TM6SF1: variants seen among roughly 807,000 people sequenced by gnomAD.
TM6SF1 encodes transmembrane 6 superfamily member 1.
TM6SF1 carries 43 observed loss-of-function variants against 47.1 expected under a neutral mutation model. The observed-to-expected ratio is 0.91, with a 90% CI of 0.72 to 1.18. TM6SF1 has a LOEUF of 1.18. TM6SF1 is among the 50% of genes most tolerant of loss of function. TM6SF1 has a pLI of 0.00. For synonymous variants in TM6SF1, 177 were observed against 166.3 expected (o/e 1.06, Z -0.49); for missense variants, 390 against 449.0 (o/e 0.87, Z 1.19).
intron 7 of TM6SF1, 90 bp downstream of exon 7, chr15:83,124,866 C>T (rs2035589983): frequency 8.5e-7 from 1 of 1,172,138 alleles, no homozygotes. Flanking sequence ...TTTGTTTTTC[C>T]ATCAGACTTC....
chr15:83,115,555 T>G, intron 2 of TM6SF1: 1 of 533,710 alleles, frequency 1.9e-6, no homozygotes, highest in Non-Finnish European at 3.6e-6. Context: ...ATGGGTGGAG[T>G]TGGCCTGCTA....
chr15:83,125,873 G>C (rs1263975177), intron 7 of TM6SF1, among the ~76,000 whole-genome samples: 3 of 152,188 alleles, frequency 2.0e-5, no homozygotes, highest in African/African-American at 7.2e-5. Flanking sequence ...AAACTTTCTG[G>C]AGGAGAGCTG....
intron 5 of TM6SF1, 24 bp from the exon 6 acceptor site, chr15:83,122,729 CTTCT>C (rs1371736396): frequency 4.4e-6 from 7 of 1,605,938 alleles, no homozygotes; most frequent in East Asian, 2.2e-5. Context: ...CTTTTGGTAA[CTTCT>C]TTCTCTTTCT....
intron 6 of TM6SF1, 152 bp downstream of exon 6, chr15:83,123,030 G>A (rs772693840): frequency 6.9e-5 from 59 of 852,672 alleles, no homozygotes; most frequent in African/African-American, 4.9e-4. Context: ...ATTAGCTTAC[G>A]TATTAATTAA....
At chr15:83,123,643 A>G (rs1434805569) in intron 6 of TM6SF1, among the ~76,000 whole-genome samples, 1 of 152,200 alleles carries the variant, frequency 6.6e-6, no homozygotes, top group African/African-American at 2.4e-5. Context: ...AAACATTTAG[A>G]CACCTTCTAT....
chr15:83,117,642 G>A (rs373612645), intron 3 of TM6SF1, among the ~76,000 whole-genome samples: 12 of 152,198 alleles, frequency 7.9e-5, no homozygotes, highest in East Asian at 5.8e-4. Context: ...TGGGGCAGAC[G>A]GGGTATCAGA....
In TM6SF1 at chr15:83,136,340, T is replaced by C. The variant is rs2036604064; in HGVS notation, c.922-141T>C. 7.5e-6 allele frequency: 4 copies of C among 535,258 alleles called. No individual in the cohort carries two copies. The East Asian group carries it at 9.2e-5, about 12-fold the overall frequency. 33.2% of individuals were successfully genotyped at this position (535,258 alleles called of 1,614,324 possible). ...AGACTCTGACATTAAAGACTCTGGA[T>C]TGTTTGAAGGTATTTTGCCTGCAGG... On this transcript the variant is annotated intron_variant, in intron 9 of 9. Coordinates refer to ENST00000322019, the MANE Select transcript of TM6SF1 (RefSeq NM_023003.5).
chr15:83,111,893 A>G (rs2034217219), intron 1 of TM6SF1, among the ~76,000 whole-genome samples: 1 of 152,208 alleles, frequency 6.6e-6, no homozygotes, highest in South Asian at 2.1e-4. Flanking sequence ...AATGGCTACC[A>G]CATAGGGGTG....
At chr15:83,120,861 C>G (rs564655077) in intron 4 of TM6SF1, among the ~76,000 whole-genome samples, 1 of 151,474 alleles carries the variant, frequency 6.6e-6, no homozygotes, top group South Asian at 2.1e-4. Flanking sequence ...CCACCGTGCC[C>G]GGCTCCAGCT....
intron 9 of TM6SF1, 117 bp downstream of exon 9, chr15:83,127,594 C>A: frequency 8.5e-7 from 1 of 1,169,726 alleles, no homozygotes; most frequent in South Asian, 1.4e-5. Context: ...AGACATGTCA[C>A]CTTTTGTTTT....
At chr15:83,115,286 T>G (rs2034555637) in intron 2 of TM6SF1, 1 of 214,166 alleles carries the variant, frequency 4.7e-6, no homozygotes, top group Non-Finnish European at 9.5e-6. Flanking sequence ...CCCAGAAAAT[T>G]TTTGTATTTT....
At chr15:83,126,391 G>T (rs1349730768) in intron 7 of TM6SF1, among the ~76,000 whole-genome samples, 1 of 152,198 alleles carries the variant, frequency 6.6e-6, no homozygotes. Context: ...GATGAATTTG[G>T]TGTAGAAATA....
chr15:83,124,834 G>GA (rs934180875), intron 7 of TM6SF1, 58 bp downstream of exon 7: 18 of 1,369,110 alleles, frequency 1.3e-5, no homozygotes, highest in Non-Finnish European at 1.8e-5. Flanking sequence ...TTTCCAAATG[G>GA]AAAAAAACTT....
Position 83,136,865 on chromosome 15 carries a change from A to T in TM6SF1, c.*193A>T. On this transcript the variant is annotated 3_prime_UTR_variant, in exon 10 of 10. Transcript: ENST00000322019. Reference sequence around the variant, plus strand: ...AGGAAAATGGAAATTCTTGAGAAACAGTTTGTTTAAAGAAATATATTCAAA... The same window carrying T: ...AGGAAAATGGAAATTCTTGAGAAACTGTTTGTTTAAAGAAATATATTCAAA... 2.5e-6 allele frequency: 1 copy of T among 405,072 alleles called. No individual in the cohort carries two copies. Among genetic ancestry groups the T allele is most frequent in the African/African-American group, 2.0e-5 (1 of 48,874 alleles). 25.1% of individuals were successfully genotyped at this position (405,072 alleles called of 1,614,324 possible).
At chr15:83,120,251 T>C (rs983925608) in intron 4 of TM6SF1, among the ~76,000 whole-genome samples, 1 of 152,218 alleles carries the variant, frequency 6.6e-6, no homozygotes, top group Non-Finnish European at 1.5e-5. Context: ...TAGCTTGGTC[T>C]TGGGAGGCAC....
intron 1 of TM6SF1, among the ~76,000 whole-genome samples, chr15:83,109,156 T>C (rs1012181760): frequency 6.6e-6 from 1 of 151,968 alleles, no homozygotes; most frequent in Non-Finnish European, 1.5e-5. Flanking sequence ...ATGAAGATAA[T>C]AAAATAGGGT....
chr15:83,126,423 T>C (rs985359373), intron 7 of TM6SF1, among the ~76,000 whole-genome samples: 1 of 152,176 alleles, frequency 6.6e-6, no homozygotes, highest in African/African-American at 2.4e-5. Context: ...CTGTAGGGAA[T>C]AGGGGGCTAG....
chr15:83,117,062 G>T (rs1442095194), intron 3 of TM6SF1, among the ~76,000 whole-genome samples: 4 of 152,216 alleles, frequency 2.6e-5, no homozygotes, highest in Admixed American at 2.6e-4. Context: ...GTACTCAGAG[G>T]AGGAATTAAG....
At chr15:83,119,097 CTA>C (rs2034975174) in intron 3 of TM6SF1, among the ~76,000 whole-genome samples, 1 of 152,130 alleles carries the variant, frequency 6.6e-6, no homozygotes, top group Non-Finnish European at 1.5e-5. Flanking sequence ...GCCTGCCTGC[CTA>C]TGTGTCAGTA....
Sources: gnomAD v4.1 joint callset for allele counts (sites outside exome capture counted in the v4.1 genomes callset) on GRCh38, gnomAD v4.1.1 for gene constraint, MANE v1.5 for transcripts, NCBI Gene and HGNC (gene_info 2026-07-23, HGNC 2026-07-21) for gene names.